Variants in SNPH observed in about 807,000 individuals in gnomAD.
SNPH encodes the protein syntaphilin.
A neutral mutation model predicts 36.8 loss-of-function variants in SNPH; 10 were observed. The ratio of observed to expected loss-of-function variants is 0.27; its 90% CI spans 0.17 to 0.46. The LOEUF (loss-of-function observed/expected upper bound fraction) is 0.46, where lower values mean the gene tolerates loss of function less well. SNPH is among the 20% of genes least tolerant of loss of function. The pLI is 1.00. For missense variants in SNPH, 622 were observed against 744.0 expected, an observed-to-expected ratio of 0.84 and a Z score of 1.91; for synonymous variants, 281 against 312.2, an observed-to-expected ratio of 0.90 and a Z score of 1.05.
At position 1,285,740 on chromosome 20, in the gene SNPH, G is replaced by A. The variant is rs2088276944; in HGVS notation, c.-492-9211G>A. ...AAATTCAGTTACATTTGATGTTCAA[G>A]CCGTGGTTTCTTTCTGTCGGGTTAG... On this transcript the variant is annotated intron_variant, in intron 2 of 6. Coordinates refer to ENST00000381867, the MANE Select transcript of SNPH (RefSeq NM_001318234.2). The surrounding 1 kb of genome is among the most constrained non-coding windows in gnomAD (Gnocchi z 4.9). 6.6e-6 allele frequency among the ~76,000 whole-genome samples: 1 copy of A among 152,170 alleles called. No individual in the cohort carries two copies. Among genetic ancestry groups the A allele is most frequent in the African/African-American group, 2.4e-5 (1 of 41,428 alleles).
rs1372739376 is a variant in SNPH at position 1,285,460 on chromosome 20, G to C, written c.-492-9491G>C. ...AGATGTAATATACATGAATAACATT[G>C]AGAATAAGAATATATTCAGGCGAAT... is the stretch of plus-strand genomic sequence containing the variant. On this transcript the variant is annotated intron_variant, in intron 2 of 6. Coordinates refer to ENST00000381867, the MANE Select transcript of SNPH (RefSeq NM_001318234.2). This position sits in a 1 kb window ranked among gnomAD's most constrained non-coding sequence, Gnocchi z 4.9. Among the ~76,000 whole-genome samples, 1 of 152,152 alleles carries C rather than the reference G, an allele frequency of 6.6e-6. No individual in the cohort carries two copies. The highest frequency in any genetic ancestry group is 1.5e-5 in the Non-Finnish European group (1 of 68,022).
rs2088590818 is a variant in SNPH, at chr20:1,307,244, G to C, written c.*1190G>C. ...GCAGGATGGCGCGTACTGAAGCCAC[G>C]ATGTTCATCCAGGCCAAAGCAGGGT... On this transcript the variant is annotated 3_prime_UTR_variant, in exon 7 of 7. Transcript: ENST00000381867. 6.6e-6 allele frequency: 1 copy of C among 152,432 alleles called. No individual in the cohort carries two copies. Among genetic ancestry groups the C allele is most frequent in the Non-Finnish European group, 1.5e-5 (1 of 68,060 alleles). 9.4% of individuals were successfully genotyped at this position (152,432 alleles called of 1,614,324 possible).
rs1026014345 is a variant in SNPH at position 1,304,177 on chromosome 20, CTCTT to C, written c.441-699_441-696del. ...TTCTCGTTGATCTTTTCAGCTTTTC[CTCTT>C]TAAGATACAAGATACAAGGAGATAC... On this transcript the variant is annotated intron_variant, in intron 6 of 6. Coordinates refer to ENST00000381867, the MANE Select transcript of SNPH (RefSeq NM_001318234.2). This position sits in a 1 kb window ranked among gnomAD's most constrained non-coding sequence, Gnocchi z 4.3. 2.0e-5 allele frequency among the ~76,000 whole-genome samples: 3 copies of C among 152,082 alleles called. No homozygotes were observed. The highest frequency in any genetic ancestry group is 7.2e-5 in the African/African-American group (3 of 41,380).
chr20:1,266,667 GC>G lies in SNPH; in HGVS notation c.-584del. 1 of 1,485,588 alleles carries G rather than the reference GC, an allele frequency of 6.7e-7. No homozygotes were observed. Among genetic ancestry groups the G allele is most frequent in the South Asian group, 1.3e-5 (1 of 76,856 alleles). The allele number at this position is 1,485,588 out of a possible 1,614,324, so 92.0% of individuals were successfully genotyped here. A position where few individuals can be genotyped will look rare whatever the true frequency, so the allele number is the denominator to read the frequency against. ...CTAACCCCGCAGGTCGCTGATCAGG[GC>G]CAGGCGGCTGCAGCAGCGACTGCAG... On this transcript the variant is annotated 5_prime_UTR_variant, in exon 2 of 7. Coordinates refer to ENST00000381867, the MANE Select transcript of SNPH (RefSeq NM_001318234.2). The surrounding 1 kb of genome is among the most constrained non-coding windows in gnomAD (Gnocchi z 6.0).
In SNPH at chr20:1,306,223, G is replaced by A; in HGVS notation, c.*169G>A. ...TCCCGTGGAAGGAGCAGGGGTTGGA[G>A]AAAGGCATCCCAAAGCTTCGATGGA... On this transcript the variant is annotated 3_prime_UTR_variant, in exon 7 of 7. Transcript: ENST00000381867. The A allele has an allele frequency of 1.8e-6, 1 of 569,694 alleles. No homozygotes were observed. Among genetic ancestry groups the A allele is most frequent in the Non-Finnish European group, 2.7e-6 (1 of 367,020 alleles). 35.3% of individuals were successfully genotyped at this position (569,694 alleles called of 1,614,324 possible).
chr20:1,283,299 C>T (rs1032270393), intron 2 of SNPH, among the ~76,000 whole-genome samples: 1 of 152,156 alleles, frequency 6.6e-6, no homozygotes, highest in Non-Finnish European at 1.5e-5. Flanking sequence ...AGTCCTGGCC[C>T]CACTCCTGAT....
chr20:1,270,719 G>A (rs2088062703), intron 2 of SNPH, among the ~76,000 whole-genome samples: 1 of 152,178 alleles, frequency 6.6e-6, no homozygotes, highest in African/African-American at 2.4e-5. Flanking sequence ...AGACTGTCTT[G>A]TGCCTATAAT....
chr20:1,292,776 T>C (rs1446695298), intron 2 of SNPH, among the ~76,000 whole-genome samples: 1 of 152,196 alleles, frequency 6.6e-6, no homozygotes, highest in African/African-American at 2.4e-5. Flanking sequence ...AGCAGCCAGC[T>C]GTCACTCACT....
chr20:1,278,214 GTGTT>G (rs961428396), intron 2 of SNPH, among the ~76,000 whole-genome samples: 8 of 151,306 alleles, frequency 5.3e-5, no homozygotes, highest in African/African-American at 1.5e-4. Context: ...GTCTGTGTGT[GTGTT>G]TGTGTGTCAG....
chr20:1,278,315 C>T (rs1044993286), intron 2 of SNPH, among the ~76,000 whole-genome samples: 2 of 152,000 alleles, frequency 1.3e-5, no homozygotes, highest in African/African-American at 4.8e-5. Flanking sequence ...CCTAAGACAA[C>T]TCCTGTTTGC....
rs1442862652 is a variant in SNPH at position 1,305,043 on chromosome 20, C to G, written c.606C>G (p.Asp202Glu). ...ACACTGTCAAGAACAACCTGATTGA[C>G]AAGGACAAGGGGCTGCAGAAGTACT... ...VIDTVKNNLI[D>E]KDKGLQKYFV... Residue 202 changes from aspartate to glutamate, a missense_variant, in exon 7 of 7, where the codon GAC becomes GAG. Around this residue, in one of 3 missense-constraint regions of SNPH, gnomAD observed 56 missense variants for 106.6 expected, o/e 0.53. Transcript: ENST00000381867. The G allele has an allele frequency of 6.2e-7, 1 of 1,614,078 alleles. No individual in the cohort carries two copies. The highest frequency in any genetic ancestry group is 8.5e-7 in the Non-Finnish European group (1 of 1,180,040).
chr20:1,282,915 T>A (rs1023885512), intron 2 of SNPH, among the ~76,000 whole-genome samples: 2 of 152,042 alleles, frequency 1.3e-5, no homozygotes, highest in African/African-American at 4.8e-5. Context: ...GCTCTTTACA[T>A]CCTATCAGGG....
chr20:1,267,894 G>A (rs2088027360), intron 2 of SNPH, among the ~76,000 whole-genome samples: 1 of 152,182 alleles, frequency 6.6e-6, no homozygotes, highest in Non-Finnish European at 1.5e-5. Flanking sequence ...TAAATCTAGG[G>A]GTACAGCCCG....
chr20:1,290,802 T>A (rs530504063), intron 2 of SNPH, among the ~76,000 whole-genome samples: 24 of 152,326 alleles, frequency 1.6e-4, no homozygotes, highest in Admixed American at 1.4e-3. Context: ...TCATTTTACA[T>A]CCCCACCAGC....
intron 2 of SNPH, among the ~76,000 whole-genome samples, chr20:1,278,723 A>G (rs6078448): frequency 0.043 from 6,607 of 152,122 alleles, 168 homozygotes; most frequent in Middle Eastern, 0.061. Flanking sequence ...TCACTCTGTC[A>G]CCCAGGCTGG....
Position 1,307,401 on chromosome 20 carries a change from G to C in SNPH, c.*1347G>C, listed in dbSNP as rs1192605724. 6.6e-6 allele frequency: 1 copy of C among 152,216 alleles called. No homozygotes were observed. Among genetic ancestry groups the C allele is most frequent in the Admixed American group, 6.5e-5 (1 of 15,288 alleles). The allele number at this position is 152,216 out of a possible 1,614,324, so 9.4% of individuals were successfully genotyped here. ...AACTCTTTTCCCGGGACCATACTGA[G>C]TCCCCCAGCCACGCTGCTGACATTA... On this transcript the variant is annotated 3_prime_UTR_variant, in exon 7 of 7. Coordinates refer to ENST00000381867, the MANE Select transcript of SNPH (RefSeq NM_001318234.2).
chr20:1,274,990 G>A (rs137862630), intron 2 of SNPH, among the ~76,000 whole-genome samples: 212 of 152,282 alleles, frequency 1.4e-3, no homozygotes, highest in Non-Finnish European at 2.7e-3. Context: ...GAGGGAGAAG[G>A]GGTGCGCTAA....
At position 1,304,769 on chromosome 20, in the gene SNPH, A is replaced by T; in HGVS notation, c.441-109A>T. Reference sequence around the variant, plus strand: ...TCTGTTTTGGGTTCTGAGCCACAGCAGCACAGGGCCCTTCATCCTTGGCAA... The same window carrying T: ...TCTGTTTTGGGTTCTGAGCCACAGCTGCACAGGGCCCTTCATCCTTGGCAA... On this transcript the variant is annotated intron_variant, in intron 6 of 6. Coordinates refer to ENST00000381867, the MANE Select transcript of SNPH (RefSeq NM_001318234.2). The surrounding 1 kb of genome is among the most constrained non-coding windows in gnomAD (Gnocchi z 4.3). The T allele has an allele frequency of 2.0e-6, 2 of 1,011,018 alleles. No homozygotes were observed. The highest frequency in any genetic ancestry group is 3.1e-5 in the South Asian group (2 of 65,532). The allele number at this position is 1,011,018 out of a possible 1,614,324, so 62.6% of individuals were successfully genotyped here. A position where few individuals can be genotyped will look rare whatever the true frequency, so the allele number is the denominator to read the frequency against.
rs546815945 is a variant in SNPH at position 1,297,972 on chromosome 20, C to T, written c.290+720C>T. On this transcript the variant is annotated intron_variant, in intron 5 of 6. Coordinates refer to ENST00000381867, the MANE Select transcript of SNPH (RefSeq NM_001318234.2). ...AATGCAGCAGATGCCAAGTTGTAGT[C>T]TTGAGTGAGGTGAACTCGGACTCAC... Among the ~76,000 whole-genome samples the T allele has an allele frequency of 3.3e-5, 5 of 152,326 alleles. No individual in the cohort carries two copies. In the East Asian group the frequency reaches 9.6e-4, roughly 29 times the overall value.
Sources: allele counts gnomAD v4.1 joint callset (sites outside exome capture counted in the v4.1 genomes callset), GRCh38; gene constraint gnomAD v4.1.1; regional missense constraint gnomAD v4.1.1; non-coding constraint Gnocchi (gnomAD v3.1); transcripts MANE v1.5; gene names NCBI Gene and HGNC (gene_info 2026-07-23, HGNC 2026-07-21).